The following NALF1 variants were observed in gnomAD, a reference collection of about 807,000 sequenced individuals.
The protein encoded by NALF1 is family with sequence similarity 155 member A.
A neutral mutation model predicts 48.4 loss-of-function variants in NALF1; 3 were observed. That is an observed-to-expected ratio of 0.06 (90% CI 0.03 to 0.16). The LOEUF is 0.16. NALF1 is among the 10% of genes least tolerant of loss of function. The pLI is 1.00. For missense variants in NALF1, 526 were observed against 571.5 expected (o/e 0.92, Z 0.81); for synonymous variants, 262 against 245.7 (o/e 1.07, Z -0.62).
chr13:107,423,684 A>T (rs1884231030), intron 1 of NALF1, among the ~76,000 whole-genome samples: 2 of 152,190 alleles, frequency 1.3e-5, no homozygotes, highest in South Asian at 2.1e-4. Flanking sequence ...GGTATACCTC[A>T]TTATAATTTC....
At chr13:107,478,014 C>G (rs1016431395) in intron 1 of NALF1, among the ~76,000 whole-genome samples, 3 of 152,164 alleles carry the variant, frequency 2.0e-5, no homozygotes, top group African/African-American at 7.2e-5. Context: ...GGTTAGTACA[C>G]TCAGACAACC....
At chr13:107,512,319 G>A (rs901325028) in intron 1 of NALF1, among the ~76,000 whole-genome samples, 3 of 152,126 alleles carry the variant, frequency 2.0e-5, no homozygotes, top group Non-Finnish European at 4.4e-5. Flanking sequence ...ACTTGAACCT[G>A]GGAGGCGGAG....
At chr13:107,832,345 CATCTT>C (rs750141033) in intron 1 of NALF1, among the ~76,000 whole-genome samples, 146 of 151,980 alleles carry the variant, frequency 9.6e-4, no homozygotes, top group Non-Finnish European at 1.8e-3. Context: ...AGCTTTATCT[CATCTT>C]ATGTAAATAT....
intron 1 of NALF1, among the ~76,000 whole-genome samples, chr13:107,382,318 A>G (rs1883455616): frequency 6.6e-6 from 1 of 152,224 alleles, no homozygotes; most frequent in Non-Finnish European, 1.5e-5. Context: ...ATAGTTATAT[A>G]AACAACTCAG....
chr13:107,732,634 G>T (rs144700271), intron 1 of NALF1, among the ~76,000 whole-genome samples: 1,731 of 152,224 alleles, frequency 0.011, 40 homozygotes, highest in African/African-American at 0.04. Context: ...GGGCATATGT[G>T]TCATGAAAGT....
intron 1 of NALF1, among the ~76,000 whole-genome samples, chr13:107,439,437 C>T (rs1469623707): frequency 6.6e-6 from 1 of 152,164 alleles, no homozygotes; most frequent in African/African-American, 2.4e-5. Flanking sequence ...TCTGGTTCTG[C>T]TGTTGTGGAT....
intron 1 of NALF1, among the ~76,000 whole-genome samples, chr13:107,791,782 C>A (rs949948536): frequency 2.6e-5 from 4 of 151,468 alleles, no homozygotes; most frequent in African/African-American, 7.3e-5. Context: ...GATCCCCGCC[C>A]CCCCCCGTCT....
chr13:107,811,592 C>T (rs547004665), intron 1 of NALF1, among the ~76,000 whole-genome samples: 58 of 152,226 alleles, frequency 3.8e-4, no homozygotes, highest in Middle Eastern at 6.8e-3. Flanking sequence ...AAAACAGATA[C>T]TTTAAATGCT....
At chr13:107,305,456 T>C (rs1437424543) in intron 1 of NALF1, among the ~76,000 whole-genome samples, 1 of 152,230 alleles carries the variant, frequency 6.6e-6, no homozygotes, top group Non-Finnish European at 1.5e-5. Flanking sequence ...AAAGTGCTCA[T>C]TGTATTTACT....
intron 1 of NALF1, among the ~76,000 whole-genome samples, chr13:107,799,441 C>T (rs1367582492): frequency 6.6e-6 from 1 of 152,072 alleles, no homozygotes; most frequent in Non-Finnish European, 1.5e-5. Context: ...CAGTAAACAC[C>T]AGTTTTCTTG....
At chr13:107,750,961 T>C (rs2138552583) in intron 1 of NALF1, among the ~76,000 whole-genome samples, 1 of 152,290 alleles carries the variant, frequency 6.6e-6, no homozygotes, top group Non-Finnish European at 1.5e-5. Context: ...AAATGAAAGT[T>C]GGACAGGTGG....
intron 1 of NALF1, among the ~76,000 whole-genome samples, chr13:107,215,964 T>C (rs928597891): frequency 1.8e-4 from 27 of 152,236 alleles, no homozygotes; most frequent in Non-Finnish European, 3.2e-4. Flanking sequence ...GTTAGCCTGC[T>C]GAAAAAATAT....
chr13:107,549,318 G>C (rs1489474112), intron 1 of NALF1, among the ~76,000 whole-genome samples: 1 of 152,084 alleles, frequency 6.6e-6, no homozygotes, highest in Non-Finnish European at 1.5e-5. Context: ...AAGAAATATA[G>C]AGCTACTTGC....
chr13:107,199,962 T>A (rs1879476553), intron 2 of NALF1, among the ~76,000 whole-genome samples: 1 of 151,428 alleles, frequency 6.6e-6, no homozygotes, highest in South Asian at 2.1e-4. Context: ...AGCTTCTTCT[T>A]GCTCAAAGGA....
chr13:107,742,900 G>A (rs58279289), intron 1 of NALF1, among the ~76,000 whole-genome samples: 6,019 of 152,242 alleles, frequency 0.04, 385 homozygotes, highest in African/African-American at 0.13. Context: ...TGGATGCTAC[G>A]GAGAATGTAG....
intron 1 of NALF1, among the ~76,000 whole-genome samples, chr13:107,375,532 T>C (rs1402686708): frequency 6.6e-6 from 1 of 152,140 alleles, no homozygotes; most frequent in Admixed American, 6.5e-5. Context: ...TCAGTTATGA[T>C]TAACTGCTGC....
intron 1 of NALF1, among the ~76,000 whole-genome samples, chr13:107,370,465 A>G (rs988870655): frequency 9.2e-5 from 14 of 152,236 alleles, no homozygotes; most frequent in African/African-American, 2.9e-4. Flanking sequence ...ACCACTCCAG[A>G]GCCAAAATCT....
At chr13:107,714,382 C>A (rs953738957) in intron 1 of NALF1, among the ~76,000 whole-genome samples, 23 of 152,106 alleles carry the variant, frequency 1.5e-4, no homozygotes, top group African/African-American at 5.5e-4. Context: ...CATTAGGAAA[C>A]CAGGCCAGGC....
intron 1 of NALF1, among the ~76,000 whole-genome samples, chr13:107,839,086 T>C (rs1879979718): frequency 6.6e-6 from 1 of 152,028 alleles, no homozygotes; most frequent in African/African-American, 2.4e-5. Context: ...TGAATTAAAC[T>C]AATAATTTCT....
Sources: allele counts gnomAD v4.1 joint callset (sites outside exome capture counted in the v4.1 genomes callset), GRCh38; gene constraint gnomAD v4.1.1; transcripts MANE v1.5; gene names NCBI Gene and HGNC (gene_info 2026-07-23, HGNC 2026-07-21).